MDGA2: variants seen among roughly 807,000 people sequenced by gnomAD.
MDGA2 encodes the protein MAM domain containing glycosylphosphatidylinositol anchor 2.
In MDGA2, 40 loss-of-function variants were observed where a neutral mutation model predicts 117.8. The observed-to-expected ratio is 0.34, with a 90% CI of 0.26 to 0.44. The LOEUF is 0.44. Ranked by LOEUF, MDGA2 falls within the 20% of genes least tolerant of loss-of-function variation. The pLI, the probability that MDGA2 is intolerant of heterozygous loss-of-function variation, is 1.00. For synonymous variants in MDGA2, 452 were observed against 439.0 expected (o/e 1.03, Z -0.37); for missense variants, 1,123 against 1,250.6 (o/e 0.90, Z 1.54).
intron 1 of MDGA2, among the ~76,000 whole-genome samples, chr14:47,379,329 G>C (rs1196197761): frequency 2.6e-5 from 4 of 152,162 alleles, no homozygotes; most frequent in Non-Finnish European, 5.9e-5. Context: ...AAAACAACCA[G>C]TTAACGTCAT....
intron 1 of MDGA2, among the ~76,000 whole-genome samples, chr14:47,508,279 T>A (rs562628872): frequency 6.6e-6 from 1 of 151,980 alleles, no homozygotes; most frequent in South Asian, 2.1e-4. Flanking sequence ...TTAAGGAGCA[T>A]GCTTCCTGTA....
chr14:47,157,753 T>G (rs993479528), intron 3 of MDGA2, among the ~76,000 whole-genome samples: 1 of 151,844 alleles, frequency 6.6e-6, no homozygotes, highest in Non-Finnish European at 1.5e-5. Flanking sequence ...ATAGGGACAG[T>G]GTCCACCACG....
chr14:46,932,125 C>A (rs558361981), intron 9 of MDGA2, among the ~76,000 whole-genome samples: 11 of 151,982 alleles, frequency 7.2e-5, no homozygotes, highest in Admixed American at 7.2e-4. Context: ...ATATACAGTT[C>A]ATTTCCTTTA....
At chr14:47,065,304 C>A (rs894543565) in intron 6 of MDGA2, among the ~76,000 whole-genome samples, 8 of 152,122 alleles carry the variant, frequency 5.3e-5, no homozygotes, top group Admixed American at 4.6e-4. Context: ...AATCCCTCTT[C>A]TTCAGGCTAC....
intron 5 of MDGA2, among the ~76,000 whole-genome samples, chr14:47,127,407 T>G (rs907021788): frequency 1.3e-5 from 2 of 152,286 alleles, no homozygotes; most frequent in South Asian, 2.1e-4. Flanking sequence ...CCTCATTTAT[T>G]TCACCTATTT....
intron 9 of MDGA2, among the ~76,000 whole-genome samples, chr14:46,950,881 T>A (rs199546128): frequency 6.1e-5 from 9 of 148,676 alleles, no homozygotes; most frequent in South Asian, 2.1e-4. Context: ...AGTCCAAATT[T>A]AAAAAAAAAA....
chr14:47,643,499 T>C (rs547233572), intron 1 of MDGA2, among the ~76,000 whole-genome samples: 4 of 152,120 alleles, frequency 2.6e-5, no homozygotes, highest in East Asian at 1.9e-4. Flanking sequence ...TAGATACCCA[T>C]CCCCTAGTAG....
chr14:47,322,169 A>C (rs564045053), intron 1 of MDGA2, among the ~76,000 whole-genome samples: 1 of 152,294 alleles, frequency 6.6e-6, no homozygotes, highest in South Asian at 2.1e-4. Context: ...TCAGTGGAGA[A>C]ACAGACTAAC....
Position 47,595,682 on chromosome 14 carries a change from T to G in MDGA2, c.280+78835A>C, listed in dbSNP as rs373893166. ...AGTGAGAGGCATGAATTATATTCTT[T>G]GAAGGAGCCACCCTCAGCCATGAAT... On this transcript the variant is annotated intron_variant, in intron 1 of 16. Transcript: ENST00000399232. Among the ~76,000 whole-genome samples, 11 of 152,250 alleles carry G rather than the reference T, an allele frequency of 7.2e-5. No homozygotes were observed. In the East Asian group the frequency reaches 1.9e-3, roughly 27 times the overall value.
intron 1 of MDGA2, among the ~76,000 whole-genome samples, chr14:47,492,110 T>A (rs550673453): frequency 6.6e-6 from 1 of 152,278 alleles, no homozygotes; most frequent in Non-Finnish European, 1.5e-5. Context: ...TCTTCTTTTC[T>A]TTCAAAGCTT....
intron 16 of MDGA2, among the ~76,000 whole-genome samples, chr14:46,844,871 T>TTTA (rs58606602): frequency 0.043 from 6,519 of 151,384 alleles, 427 homozygotes; most frequent in African/African-American, 0.14. Context: ...TCTGATGATT[T>TTTA]TTATTATTAT....
At chr14:47,068,710 C>T (rs188136024) in intron 6 of MDGA2, among the ~76,000 whole-genome samples, 2 of 152,154 alleles carry the variant, frequency 1.3e-5, no homozygotes, top group African/African-American at 4.8e-5. Context: ...GGACTAGAAA[C>T]AGCTATCAGA....
chr14:46,888,155 CTT>C (rs1279544548), intron 10 of MDGA2, among the ~76,000 whole-genome samples: 1 of 151,988 alleles, frequency 6.6e-6, no homozygotes, highest in East Asian at 1.9e-4. Flanking sequence ...AAAGTGTATA[CTT>C]CAGCAGTTGG....
chr14:47,207,605 T>G (rs1885733081), intron 3 of MDGA2, among the ~76,000 whole-genome samples: 1 of 152,008 alleles, frequency 6.6e-6, no homozygotes, highest in African/African-American at 2.4e-5. Flanking sequence ...AAAGCTTTTT[T>G]TCACATATTC....
At chr14:47,278,025 A>G (rs532614973) in intron 2 of MDGA2, among the ~76,000 whole-genome samples, 1 of 152,306 alleles carries the variant, frequency 6.6e-6, no homozygotes, top group East Asian at 1.9e-4. Context: ...AAGCCCAAGT[A>G]GCTATAGAGG....
chr14:47,065,763 T>A (rs1172583919), intron 6 of MDGA2, among the ~76,000 whole-genome samples: 1 of 152,144 alleles, frequency 6.6e-6, no homozygotes, highest in Non-Finnish European at 1.5e-5. Context: ...GGTGTCAGCT[T>A]TTTAGCTTCT....
At chr14:47,269,698 G>GT (rs1237066812) in intron 2 of MDGA2, among the ~76,000 whole-genome samples, 2 of 152,090 alleles carry the variant, frequency 1.3e-5, no homozygotes, top group Admixed American at 1.3e-4. Context: ...AGAGCATAAT[G>GT]TTTTTTCAGA....
chr14:46,948,580 G>C (rs1885256986), intron 9 of MDGA2, among the ~76,000 whole-genome samples: 1 of 151,992 alleles, frequency 6.6e-6, no homozygotes, highest in Admixed American at 6.6e-5. Context: ...GGATGGAGAT[G>C]TGAGGAGAGG....
chr14:47,429,116 G>A (rs1043383537), intron 1 of MDGA2, among the ~76,000 whole-genome samples: 1 of 151,294 alleles, frequency 6.6e-6, no homozygotes, highest in African/African-American at 2.4e-5. Context: ...TCCCAGCTAC[G>A]TGGGAAGCTG....
Sources: allele counts gnomAD v4.1 joint callset (sites outside exome capture counted in the v4.1 genomes callset), GRCh38; gene constraint gnomAD v4.1.1; transcripts MANE v1.5; gene names NCBI Gene and HGNC (gene_info 2026-07-23, HGNC 2026-07-21).